Variants in ASTN2 observed in about 807,000 individuals in gnomAD.
ASTN2 encodes the protein astrotactin-2.
In ASTN2, 54 loss-of-function variants were observed where a neutral mutation model predicts 139.8. That is an observed-to-expected ratio of 0.39 (90% CI 0.31 to 0.48). The LOEUF (loss-of-function observed/expected upper bound fraction) is 0.48. Among genes scored for constraint, ASTN2 ranks in the 20% least tolerant of loss-of-function variants. The pLI is 0.95. For synonymous variants in ASTN2, 756 were observed against 719.5 expected, an observed-to-expected ratio of 1.05 and a Z score of -0.81; for missense variants, 1,565 against 1,725.1, an observed-to-expected ratio of 0.91 and a Z score of 1.64.
At chr9:117,304,126 G>A (rs1291884641) in intron 1 of ASTN2, among the ~76,000 whole-genome samples, 2 of 152,194 alleles carry the variant, frequency 1.3e-5, no homozygotes, top group Non-Finnish European at 2.9e-5. Context: ...GATCAGCCAA[G>A]ACCATACGAA....
chr9:117,309,530 G>C (rs991971518), intron 1 of ASTN2, among the ~76,000 whole-genome samples: 1 of 152,208 alleles, frequency 6.6e-6, no homozygotes, highest in African/African-American at 2.4e-5. Flanking sequence ...GACCCAGAAG[G>C]CAGGAAGATA....
At chr9:116,942,041 GA>G (rs1835249993) in intron 10 of ASTN2, among the ~76,000 whole-genome samples, 1 of 148,516 alleles carries the variant, frequency 6.7e-6, no homozygotes, top group African/African-American at 2.5e-5. Flanking sequence ...AGAAATTTAA[GA>G]GGGAAAGTAA....
chr9:117,312,084 C>A (rs1440578106), intron 1 of ASTN2, among the ~76,000 whole-genome samples: 3 of 152,128 alleles, frequency 2.0e-5, no homozygotes, highest in African/African-American at 7.2e-5. Context: ...AAAGGAGGTA[C>A]CCCATATGTA....
At chr9:116,922,192 C>T (rs545198195) in intron 10 of ASTN2, among the ~76,000 whole-genome samples, 25 of 152,298 alleles carry the variant, frequency 1.6e-4, no homozygotes, top group African/African-American at 5.5e-4. Context: ...GCTATCTTCC[C>T]CAGAAAGGGC....
In ASTN2 at chr9:116,489,427, C is replaced by T. The variant is rs1402181631; in HGVS notation, c.3356-1927G>A. ...CCTCAGCTCATTGAAGCCTCTGCCC[C>T]GCAGGCTCAAGAGGTCCTCCCACCT... On this transcript the variant is annotated intron_variant, in intron 19 of 22. Transcript: ENST00000313400. 4.6e-5 allele frequency among the ~76,000 whole-genome samples: 7 copies of T among 152,168 alleles called. No individual in the cohort carries two copies. The South Asian group carries it at 6.2e-4, about 14-fold the overall frequency.
chr9:116,911,468 G>A (rs1834308087), intron 10 of ASTN2, among the ~76,000 whole-genome samples: 1 of 152,142 alleles, frequency 6.6e-6, no homozygotes, highest in Non-Finnish European at 1.5e-5. Flanking sequence ...ATCTTGGATT[G>A]GACTCTGGAA....
At chr9:117,055,537 A>G (rs1362286383) in intron 5 of ASTN2, among the ~76,000 whole-genome samples, 3 of 152,246 alleles carry the variant, frequency 2.0e-5, no homozygotes, top group Non-Finnish European at 4.4e-5. Context: ...GATCTACAAT[A>G]TCTACCTCCA....
chr9:116,911,891 T>TCAAA (rs113566279), intron 10 of ASTN2, among the ~76,000 whole-genome samples: 86 of 151,992 alleles, frequency 5.7e-4, no homozygotes, highest in South Asian at 3.1e-3. Flanking sequence ...AAACTCCACC[T>TCAAA]CAAACAAACA....
In ASTN2 at chr9:116,976,174, G is replaced by T; in HGVS notation, c.1691C>A (p.Thr564Lys). The T allele has an allele frequency of 6.2e-7, 1 of 1,614,102 alleles. No homozygotes were observed. The highest frequency in any genetic ancestry group is 8.5e-7 in the Non-Finnish European group (1 of 1,179,976). ...CAGATCATAGCCCCTCTCAAGTGTC[G>T]TGTAGGGCCAAGGTCTATGGGAAGA... ...WGQSEGPWPY[T>K]TLERGYDLVT... The change falls in exon 9 of 23, where the codon ACG becomes AAG. Residue 564 changes from threonine to lysine, a missense_variant. Transcript: ENST00000313400.
intron 1 of ASTN2, among the ~76,000 whole-genome samples, chr9:117,324,528 G>A (rs1828449147): frequency 6.6e-6 from 1 of 152,176 alleles, no homozygotes; most frequent in South Asian, 2.1e-4. Context: ...ACTATCATGA[G>A]AACAGCATGA....
At chr9:117,054,995 T>A (rs944357015) in intron 5 of ASTN2, among the ~76,000 whole-genome samples, 13 of 152,178 alleles carry the variant, frequency 8.5e-5, no homozygotes, top group Non-Finnish European at 1.5e-4. Flanking sequence ...CCTATGAGAA[T>A]CTAACGCTGC....
chr9:116,954,356 T>A (rs567149213), intron 10 of ASTN2, among the ~76,000 whole-genome samples: 1 of 152,320 alleles, frequency 6.6e-6, no homozygotes, highest in South Asian at 2.1e-4. Flanking sequence ...GGGGATCCTG[T>A]TAAAATGCAG....
chr9:116,881,478 C>G (rs778983994), intron 10 of ASTN2, among the ~76,000 whole-genome samples: 5 of 152,226 alleles, frequency 3.3e-5, no homozygotes, highest in Non-Finnish European at 7.3e-5. Context: ...GTCTCTCTGA[C>G]TTCAGCTTCC....
chr9:116,481,225 C>A (rs1416816506), intron 20 of ASTN2, among the ~76,000 whole-genome samples: 1 of 152,070 alleles, frequency 6.6e-6, no homozygotes, highest in South Asian at 2.1e-4. Flanking sequence ...ACAAAAGATA[C>A]AAAAATTAGC....
At chr9:116,650,309 TAA>T (rs1342804295) in intron 17 of ASTN2, among the ~76,000 whole-genome samples, 3 of 152,148 alleles carry the variant, frequency 2.0e-5, no homozygotes, top group African/African-American at 4.8e-5. Flanking sequence ...TCCATAAAGA[TAA>T]GTTTGCAAAC....
chr9:116,964,509 G>A (rs1385465325), intron 10 of ASTN2, among the ~76,000 whole-genome samples: 3 of 152,140 alleles, frequency 2.0e-5, no homozygotes, highest in Non-Finnish European at 4.4e-5. Context: ...GCAGGCAACG[G>A]AGCAGGAGGC....
rs532632362 is a variant in ASTN2 at position 116,541,643 on chromosome 9, C to T, written c.3356-54143G>A. ...CACCAGATTGGGGAAGTGACTCTAA[C>T]CATGGGCAGATGGAAGCAGAGACAG... is the stretch of plus-strand genomic sequence containing the variant. On this transcript the variant is annotated intron_variant, in intron 19 of 22. Coordinates refer to ENST00000313400, the MANE Select transcript of ASTN2 (RefSeq NM_001365068.1). Among the ~76,000 whole-genome samples, 161 of 152,250 alleles carry T rather than the reference C, an allele frequency of 1.1e-3. 1 individual carries two copies. The highest frequency in any genetic ancestry group is 3.5e-3 in the African/African-American group (146 of 41,542).
chr9:116,852,987 C>G (rs1159443579), intron 11 of ASTN2, among the ~76,000 whole-genome samples: 1 of 151,580 alleles, frequency 6.6e-6, no homozygotes, highest in Non-Finnish European at 1.5e-5. Context: ...CTAGGAAAAG[C>G]AGAATGTGTA....
chr9:117,119,926 T>C (rs1188963134), intron 4 of ASTN2, among the ~76,000 whole-genome samples: 1 of 150,262 alleles, frequency 6.7e-6, no homozygotes, highest in African/African-American at 2.5e-5. Context: ...GAAAAGGTAA[T>C]TCCCTCACAC....
Sources: gnomAD v4.1 joint callset for allele counts (sites outside exome capture counted in the v4.1 genomes callset) on GRCh38, gnomAD v4.1.1 for gene constraint, MANE v1.5 for transcripts, NCBI Gene and HGNC (gene_info 2026-07-23, HGNC 2026-07-21) for gene names.